Variants in GRID2 observed in about 807,000 individuals in gnomAD.
GRID2 encodes glutamate receptor ionotropic, delta-2.
A neutral mutation model predicts 114.8 loss-of-function variants in GRID2; 33 were observed. The ratio of observed to expected loss-of-function variants is 0.29; its 90% CI spans 0.22 to 0.38. The LOEUF (loss-of-function observed/expected upper bound fraction) is 0.38. GRID2 is among the 10% of genes least tolerant of loss of function. GRID2 has a pLI of 1.00. For synonymous variants in GRID2, 505 were observed against 449.9 expected (o/e 1.12, Z -1.55); for missense variants, 1,184 against 1,257.7 (o/e 0.94, Z 0.89).
intron 14 of GRID2, among the ~76,000 whole-genome samples, chr4:93,760,368 C>T (rs1005603124): frequency 1.3e-5 from 2 of 152,186 alleles, no homozygotes. Flanking sequence ...AGGACATAGA[C>T]ATTGTTTTGT....
At chr4:92,403,433 C>T (rs79410049) in intron 1 of GRID2, among the ~76,000 whole-genome samples, 3 of 151,914 alleles carry the variant, frequency 2.0e-5, no homozygotes, top group Non-Finnish European at 4.4e-5. Context: ...CATGGTGGCT[C>T]ATGCTTGTAA....
chr4:92,880,456 G>T (rs148652979), intron 2 of GRID2, among the ~76,000 whole-genome samples: 209 of 151,540 alleles, frequency 1.4e-3, no homozygotes, highest in Middle Eastern at 0.01. Context: ...GCTTAGTTTC[G>T]ACTTTTCTTG....
intron 8 of GRID2, among the ~76,000 whole-genome samples, chr4:93,323,990 C>A (rs1336020507): frequency 6.6e-6 from 1 of 152,174 alleles, no homozygotes; most frequent in South Asian, 2.1e-4. Flanking sequence ...ATGTCATCTG[C>A]AAACAGGGAC....
intron 14 of GRID2, among the ~76,000 whole-genome samples, chr4:93,706,585 A>T (rs1451847314): frequency 6.6e-6 from 1 of 152,152 alleles, no homozygotes; most frequent in African/African-American, 2.4e-5. Flanking sequence ...AACTTTACTA[A>T]ATTTGTGTAT....
chr4:92,607,035 A>G (rs1729485718), intron 2 of GRID2, among the ~76,000 whole-genome samples: 2 of 152,158 alleles, frequency 1.3e-5, no homozygotes, highest in South Asian at 4.1e-4. Context: ...GTCTGAGCAG[A>G]AACACAGCTA....
chr4:92,948,489 AT>A (rs1751805863), intron 2 of GRID2, among the ~76,000 whole-genome samples: 1 of 151,850 alleles, frequency 6.6e-6, no homozygotes, highest in South Asian at 2.1e-4. Context: ...ATTTACAGAC[AT>A]TTCTCTTTCT....
At chr4:92,571,831 C>G (rs1316270664) in intron 1 of GRID2, among the ~76,000 whole-genome samples, 6 of 152,128 alleles carry the variant, frequency 3.9e-5, no homozygotes, top group Admixed American at 1.3e-4. Context: ...TTCTTTGAAA[C>G]CAATGAGAAC....
chr4:92,905,903 G>C (rs1047049604), intron 2 of GRID2, among the ~76,000 whole-genome samples: 1 of 152,072 alleles, frequency 6.6e-6, no homozygotes, highest in Non-Finnish European at 1.5e-5. Context: ...ATTAATTTCA[G>C]TACTGAGTTC....
At chr4:93,168,674 T>C (rs1453029731) in intron 4 of GRID2, among the ~76,000 whole-genome samples, 4 of 152,168 alleles carry the variant, frequency 2.6e-5, no homozygotes, top group Non-Finnish European at 5.9e-5. Context: ...ACAGAGTCTT[T>C]AGCTTCAACT....
chr4:92,536,761 C>T (rs1182385212), intron 1 of GRID2, among the ~76,000 whole-genome samples: 2 of 152,040 alleles, frequency 1.3e-5, no homozygotes, highest in African/African-American at 2.4e-5. Context: ...AAATGCAAAT[C>T]GTCTGAGAGA....
intron 4 of GRID2, among the ~76,000 whole-genome samples, chr4:93,162,549 T>G (rs145202485): frequency 6.6e-6 from 1 of 151,990 alleles, no homozygotes; most frequent in African/African-American, 2.4e-5. Context: ...TTAACAACTT[T>G]ATAATTTAAT....
intron 4 of GRID2, among the ~76,000 whole-genome samples, chr4:93,113,671 A>G (rs1182082282): frequency 6.6e-6 from 1 of 152,214 alleles, no homozygotes; most frequent in Non-Finnish European, 1.5e-5. Context: ...AGATGCATGT[A>G]ATGGCAGAAC....
intron 2 of GRID2, among the ~76,000 whole-genome samples, chr4:93,081,306 TAAA>T (rs1388784743): frequency 1.3e-5 from 2 of 152,214 alleles, no homozygotes; most frequent in African/African-American, 4.8e-5. Flanking sequence ...TAAGAGGTAA[TAAA>T]TTTTTTAACT....
intron 4 of GRID2, among the ~76,000 whole-genome samples, chr4:93,119,536 T>A (rs1367157465): frequency 6.6e-6 from 1 of 152,154 alleles, no homozygotes; most frequent in Non-Finnish European, 1.5e-5. Flanking sequence ...TGTCTCCAAT[T>A]TACATTTTTT....
intron 2 of GRID2, among the ~76,000 whole-genome samples, chr4:92,844,370 C>G (rs1743137533): frequency 6.6e-6 from 1 of 151,936 alleles, no homozygotes; most frequent in Admixed American, 6.6e-5. Flanking sequence ...GAAACCCCGT[C>G]TCTGCTAAAA....
chr4:92,376,749 G>A (rs1200861684), intron 1 of GRID2, among the ~76,000 whole-genome samples: 3 of 152,184 alleles, frequency 2.0e-5, no homozygotes, highest in African/African-American at 2.4e-5. Flanking sequence ...CTTGACTTTT[G>A]TGCGCTTGCA....
At chr4:92,850,537 C>G (rs1319235153) in intron 2 of GRID2, among the ~76,000 whole-genome samples, 1 of 151,858 alleles carries the variant, frequency 6.6e-6, no homozygotes, top group East Asian at 1.9e-4. Flanking sequence ...CACAGACATT[C>G]ATTGTGAGTA....
intron 14 of GRID2, among the ~76,000 whole-genome samples, chr4:93,646,964 G>T (rs116230777): frequency 0.011 from 1,653 of 152,236 alleles, 12 homozygotes; most frequent in Non-Finnish European, 0.017. Flanking sequence ...GGTTTAGTAA[G>T]CTTGAGATTT....
intron 2 of GRID2, among the ~76,000 whole-genome samples, chr4:93,015,792 G>T (rs900977796): frequency 6.6e-6 from 1 of 151,954 alleles, no homozygotes; most frequent in Non-Finnish European, 1.5e-5. Context: ...GATAATCTTG[G>T]CAAATCCTAC....
Sources: allele counts gnomAD v4.1 joint callset (sites outside exome capture counted in the v4.1 genomes callset), GRCh38; gene constraint gnomAD v4.1.1; transcripts MANE v1.5; gene names NCBI Gene and HGNC (gene_info 2026-07-23, HGNC 2026-07-21).